Variants in TAS2R1 observed in about 807,000 individuals in gnomAD.
The protein encoded by TAS2R1 is taste 2 receptor member 1.
For missense variants in TAS2R1, 370 were observed against 353.4 expected, an observed-to-expected ratio of 1.05 and a Z score of -0.38; for synonymous variants, 141 against 134.2, an observed-to-expected ratio of 1.05 and a Z score of -0.35.
chr5:9,830,432 CAGAT>C, the TAS2R1 span, among the ~76,000 whole-genome samples: 3 of 151,790 alleles, frequency 2.0e-5, no homozygotes, highest in Admixed American at 6.6e-5. Flanking sequence ...GATAGGTAGA[CAGAT>C]AGATGATAGA....
the TAS2R1 span, among the ~76,000 whole-genome samples, chr5:9,830,603 G>GCACA: frequency 1.7e-5 from 1 of 59,906 alleles, no homozygotes; most frequent in Non-Finnish European, 4.0e-5. Context: ...ACACGTGCGC[G>GCACA]CGCACACACA....
the TAS2R1 span, among the ~76,000 whole-genome samples, chr5:9,797,608 C>T: frequency 6.6e-6 from 1 of 152,040 alleles, no homozygotes; most frequent in Non-Finnish European, 1.5e-5. Flanking sequence ...ATGATGATGC[C>T]ACCGGTGATT....
At chr5:9,656,045 G>T (rs1053280375) in intron 2 of TAS2R1, among the ~76,000 whole-genome samples, 2 of 151,938 alleles carry the variant, frequency 1.3e-5, no homozygotes, top group Admixed American at 6.6e-5. Flanking sequence ...ACGTCCCCTA[G>T]CAGAGCACTT....
the TAS2R1 span, among the ~76,000 whole-genome samples, chr5:9,796,757 G>GA: frequency 8.1e-5 from 9 of 111,724 alleles, no homozygotes; most frequent in East Asian, 1.3e-3. Context: ...AAAAAAAAAA[G>GA]AAAAGTGTTC....
the TAS2R1 span, among the ~76,000 whole-genome samples, chr5:9,872,956 A>AT: frequency 1.3e-5 from 2 of 152,084 alleles, no homozygotes; most frequent in Non-Finnish European, 2.9e-5. Context: ...AATTGCAATC[A>AT]TTTTTTTGAG....
At chr5:9,633,474 T>C (rs112065280), upstream of TAS2R1, among the ~76,000 whole-genome samples, 20,560 of 151,400 alleles carry the variant, frequency 0.14, 1,630 homozygotes, top group South Asian at 0.19. Flanking sequence ...GGGAGTGGGA[T>C]TGCTGGATCA....
At chr5:9,768,714 C>G in the TAS2R1 span, among the ~76,000 whole-genome samples, 42,507 of 152,154 alleles carry the variant, frequency 0.28, 7,059 homozygotes, top group Non-Finnish European at 0.38. Flanking sequence ...ACCCTGAAAT[C>G]CAGCTCTCTA....
At chr5:9,783,114 T>C in the TAS2R1 span, among the ~76,000 whole-genome samples, 3 of 152,186 alleles carry the variant, frequency 2.0e-5, no homozygotes, top group African/African-American at 7.2e-5. Flanking sequence ...CTCCTTGCCT[T>C]ACTCTATTGG....
the TAS2R1 span, among the ~76,000 whole-genome samples, chr5:9,774,188 T>C: frequency 6.6e-6 from 1 of 152,238 alleles, no homozygotes; most frequent in South Asian, 2.1e-4. Context: ...TTCTTCCATT[T>C]GATCAAGTCT....
At position 9,628,011 on chromosome 5, in the gene TAS2R1, G is replaced by A. The variant is rs938070952; in HGVS notation, c.*1122C>T. Among the ~76,000 whole-genome samples, 5 of 152,072 alleles carry A rather than the reference G, an allele frequency of 3.3e-5. No homozygotes were observed. Among genetic ancestry groups the A allele is most frequent in the East Asian group, 1.9e-4 (1 of 5,200 alleles). On this transcript the variant is annotated 3_prime_UTR_variant, in exon 1 of 1. Transcript: ENST00000382492. ...ACCTAAACCTGCTTTGCATCATCACGCCTGAACTACAAGTTACCGCTGAGC... is the reference window on the plus strand; with the variant it reads ...ACCTAAACCTGCTTTGCATCATCACACCTGAACTACAAGTTACCGCTGAGC...
chr5:9,806,317 T>C, the TAS2R1 span, among the ~76,000 whole-genome samples: 3 of 152,050 alleles, frequency 2.0e-5, no homozygotes, highest in African/African-American at 7.2e-5. Context: ...AAAATGACCA[T>C]ACAGCCAAAA....
the TAS2R1 span, among the ~76,000 whole-genome samples, chr5:9,779,837 G>A: frequency 2.0e-5 from 3 of 152,328 alleles, no homozygotes; most frequent in African/African-American, 4.8e-5. Flanking sequence ...ATGCAAGGCT[G>A]TCGCAAATCT....
chr5:9,717,555 G>A, the TAS2R1 span, among the ~76,000 whole-genome samples: 1 of 152,088 alleles, frequency 6.6e-6, no homozygotes. Context: ...GAATAACTTG[G>A]TGGGGGTGAG....
chr5:9,731,670 G>A, the TAS2R1 span, among the ~76,000 whole-genome samples: 1 of 152,122 alleles, frequency 6.6e-6, no homozygotes, highest in Non-Finnish European at 1.5e-5. Context: ...CATTCTTCTG[G>A]AAAGTATTCC....
chr5:9,850,486 C>A, the TAS2R1 span, among the ~76,000 whole-genome samples: 1 of 152,234 alleles, frequency 6.6e-6, no homozygotes, highest in South Asian at 2.1e-4. Context: ...CAGAATCCAT[C>A]ACGGAGGGTA....
Position 9,701,645 on chromosome 5 carries a change from A to G in TAS2R1, c.-242+10527T>C, listed in dbSNP as rs1741486573. On this transcript the variant is annotated intron_variant, in intron 1 of 2. Transcript: ENST00000506620. ...ATGATTAGACAAATACTAATTTTAA[A>G]GCATATCTATGTGTATTGACTGCAA... Among the ~76,000 whole-genome samples the G allele has an allele frequency of 2.0e-5, 3 of 152,244 alleles. No homozygotes were observed. In the South Asian group the frequency reaches 6.2e-4, roughly 32 times the overall value.
chr5:9,722,954 C>G, the TAS2R1 span, among the ~76,000 whole-genome samples: 1 of 152,194 alleles, frequency 6.6e-6, no homozygotes, highest in Non-Finnish European at 1.5e-5. Flanking sequence ...CACTAAGAAG[C>G]CTCTGCTGCA....
intron 2 of TAS2R1, among the ~76,000 whole-genome samples, chr5:9,643,797 A>T (rs1740132022): frequency 6.6e-6 from 1 of 152,202 alleles, no homozygotes; most frequent in South Asian, 2.1e-4. Context: ...GGGGAAGAGG[A>T]GAGTTAAACA....
the TAS2R1 span, among the ~76,000 whole-genome samples, chr5:9,884,820 T>C: frequency 1.3e-5 from 2 of 152,258 alleles, no homozygotes; most frequent in Non-Finnish European, 2.9e-5. Flanking sequence ...ACTAGCTGTT[T>C]GTCCAAAAAT....
Sources: gnomAD v4.1 joint callset for allele counts (sites outside exome capture counted in the v4.1 genomes callset) on GRCh38, gnomAD v4.1.1 for gene constraint, MANE v1.5 for transcripts, NCBI Gene and HGNC (gene_info 2026-07-23, HGNC 2026-07-21) for gene names.